FAT3: variants seen among roughly 807,000 people sequenced by gnomAD.
The protein encoded by FAT3 is FAT atypical cadherin 3, also known as protocadherin Fat 3.
A neutral mutation model predicts 310.2 loss-of-function variants in FAT3; 95 were observed. The observed-to-expected ratio is 0.31, with a 90% CI of 0.26 to 0.36. The LOEUF is 0.36. FAT3 is among the 10% of genes least tolerant of loss of function. The pLI, the probability that FAT3 is intolerant of heterozygous loss-of-function variation, is 1.00. For missense variants in FAT3, 5,408 were observed against 5,715.6 expected (o/e 0.95, Z 1.74); for synonymous variants, 2,314 against 2,192.9 (o/e 1.06, Z -1.54).
intron 2 of FAT3, among the ~76,000 whole-genome samples, chr11:92,483,404 C>A (rs1591352026): frequency 6.6e-6 from 1 of 151,802 alleles, no homozygotes; most frequent in South Asian, 2.1e-4. Context: ...GGCGCGATCT[C>A]AGCTCACTGC....
chr11:92,523,173 G>T (rs1352652732), intron 2 of FAT3, among the ~76,000 whole-genome samples: 1 of 152,116 alleles, frequency 6.6e-6, no homozygotes, highest in Non-Finnish European at 1.5e-5. Flanking sequence ...TTTTGTTGTT[G>T]TTGTTGCTTT....
intron 4 of FAT3, among the ~76,000 whole-genome samples, chr11:92,720,953 T>A (rs1944842399): frequency 6.6e-6 from 1 of 152,222 alleles, no homozygotes. Context: ...TTTTTCAACT[T>A]TTATTTAAGT....
intron 1 of FAT3, among the ~76,000 whole-genome samples, chr11:92,227,439 G>T (rs943669801): frequency 2.6e-5 from 4 of 152,168 alleles, no homozygotes; most frequent in Non-Finnish European, 5.9e-5. Flanking sequence ...ACTTTGCCTG[G>T]ATCCAGGCGG....
intron 1 of FAT3, among the ~76,000 whole-genome samples, chr11:92,261,416 T>C (rs746005760): frequency 2.0e-5 from 3 of 152,144 alleles, no homozygotes; most frequent in Non-Finnish European, 2.9e-5. Context: ...CCCACTATAC[T>C]TTGGGTACTA....
intron 1 of FAT3, among the ~76,000 whole-genome samples, chr11:92,295,515 C>T (rs1215517422): frequency 6.6e-6 from 1 of 152,088 alleles, no homozygotes; most frequent in Non-Finnish European, 1.5e-5. Context: ...GCATTATCTT[C>T]AGTGGGATAA....
chr11:92,382,667 T>A (rs1949523125), intron 2 of FAT3, among the ~76,000 whole-genome samples: 1 of 152,188 alleles, frequency 6.6e-6, no homozygotes, highest in South Asian at 2.1e-4. Flanking sequence ...GAAACAACTT[T>A]CAGGTTTTGC....
intron 2 of FAT3, among the ~76,000 whole-genome samples, chr11:92,504,137 A>C (rs1953030013): frequency 6.6e-6 from 1 of 152,152 alleles, no homozygotes. Context: ...CATAACTGTC[A>C]GGTCCACATC....
chr11:92,714,383 G>T (rs902721009), intron 4 of FAT3, among the ~76,000 whole-genome samples: 2 of 152,012 alleles, frequency 1.3e-5, no homozygotes, highest in African/African-American at 2.4e-5. Flanking sequence ...GGTTGTACAA[G>T]AATTCATTAA....
chr11:92,235,557 T>C (rs1864384181), intron 1 of FAT3, among the ~76,000 whole-genome samples: 2 of 146,546 alleles, frequency 1.4e-5, no homozygotes, highest in African/African-American at 5.1e-5. Flanking sequence ...ATTTAATATT[T>C]AAAATTGAAT....
chr11:92,793,194 T>C (rs1947081042), intron 9 of FAT3, among the ~76,000 whole-genome samples: 1 of 152,130 alleles, frequency 6.6e-6, no homozygotes, highest in African/African-American at 2.4e-5. Flanking sequence ...AAAATTTCCT[T>C]TGTTGTGTTT....
intron 1 of FAT3, among the ~76,000 whole-genome samples, chr11:92,342,216 C>T (rs542079785): frequency 3.2e-4 from 49 of 152,222 alleles, no homozygotes; most frequent in East Asian, 1.9e-4. Context: ...CTTTTCTTGG[C>T]GTTTCCATTC....
At chr11:92,719,992 G>A (rs1944816538) in intron 4 of FAT3, among the ~76,000 whole-genome samples, 5 of 152,078 alleles carry the variant, frequency 3.3e-5, no homozygotes, top group Admixed American at 2.0e-4. Flanking sequence ...CCTGTAGCAC[G>A]TTTAAAGGGA....
At chr11:92,726,873 C>G (rs999073558) in intron 4 of FAT3, among the ~76,000 whole-genome samples, 6 of 151,476 alleles carry the variant, frequency 4.0e-5, no homozygotes, top group African/African-American at 7.3e-5. Flanking sequence ...AGGAAATAAG[C>G]AATGGAAAGG....
At chr11:92,771,972 A>G (rs1946470258) in intron 6 of FAT3, among the ~76,000 whole-genome samples, 1 of 152,152 alleles carries the variant, frequency 6.6e-6, no homozygotes, top group East Asian at 1.9e-4. Flanking sequence ...CAGTAACTCA[A>G]ACTGGAATCT....
At chr11:92,263,671 A>AT (rs1865658911) in intron 1 of FAT3, among the ~76,000 whole-genome samples, 1 of 151,922 alleles carries the variant, frequency 6.6e-6, no homozygotes, top group Non-Finnish European at 1.5e-5. Flanking sequence ...AGATGCATAT[A>AT]TATTTGCATG....
At chr11:92,773,147 CAAAA>C (rs1243297099) in intron 6 of FAT3, among the ~76,000 whole-genome samples, 1 of 152,028 alleles carries the variant, frequency 6.6e-6, no homozygotes, top group Non-Finnish European at 1.5e-5. Context: ...TTCTCCCCCT[CAAAA>C]AAATCTTTCA....
chr11:92,390,155 G>A (rs7105194), intron 2 of FAT3, among the ~76,000 whole-genome samples: 10,025 of 152,136 alleles, frequency 0.066, 1,100 homozygotes, highest in African/African-American at 0.22. Context: ...TAAAGTTCTT[G>A]TAAAGTCAGG....
In FAT3 at chr11:92,844,361, A is replaced by G. The variant is rs1948630446; in HGVS notation, c.10994A>G (p.His3665Arg). The change falls in exon 19 of 28, where the codon CAC becomes CGC. Residue 3665 changes from histidine to arginine, a missense_variant. Physicochemically the swap from His to Arg is conservative, Grantham distance 29 (BLOSUM62 0). Around this residue, in one of 5 missense-constraint regions of FAT3, gnomAD observed 4,588 missense variants for 4,809.8 expected, o/e 0.95. Transcript: ENST00000525166. ...TCCCCTGAGGACTTCGTGGGGCTGC[A>G]CATGCATGGGTTCCGGCGCACCCTG... Reference protein sequence around the residue: ...NVSPEDFVGLHMHGFRRTLRN... With the variant: ...NVSPEDFVGLRMHGFRRTLRN... 1 of 1,613,976 alleles carries G rather than the reference A, an allele frequency of 6.2e-7. No homozygotes were observed. Among genetic ancestry groups the G allele is most frequent in the Non-Finnish European group, 8.5e-7 (1 of 1,179,902 alleles).
At position 92,443,128 on chromosome 11, in the gene FAT3, T is replaced by C. The variant is rs1591298113; in HGVS notation, c.3293-81506T>C. Among the ~76,000 whole-genome samples, 3 of 152,344 alleles carry C rather than the reference T, an allele frequency of 2.0e-5. No individual in the cohort carries two copies. The Middle Eastern group carries it at 0.01, about 518-fold the overall frequency. On this transcript the variant is annotated intron_variant, in intron 2 of 27. Transcript: ENST00000525166. ...TATTTTCGTGCCTTATACTTTTGCA[T>C]GAGTTTGTGTTTTCAAACTTAGAGG...
Sources: gnomAD v4.1 joint callset for allele counts (sites outside exome capture counted in the v4.1 genomes callset) on GRCh38, gnomAD v4.1.1 for gene constraint, gnomAD v4.1.1 regional missense constraint, MANE v1.5 for transcripts, NCBI Gene and HGNC (gene_info 2026-07-23, HGNC 2026-07-21) for gene names.